Variants in SNAP91 observed in about 807,000 individuals in gnomAD.
The protein encoded by SNAP91 is synaptosome associated protein 91, also known as clathrin coat assembly protein AP180.
A neutral mutation model predicts 100.3 loss-of-function variants in SNAP91; 27 were observed. That is an observed-to-expected ratio of 0.27 (90% confidence interval 0.20 to 0.37). The LOEUF (loss-of-function observed/expected upper bound fraction) is 0.37. Ranked by LOEUF, SNAP91 falls within the 10% of genes least tolerant of loss-of-function variation. The pLI is 1.00. For synonymous variants in SNAP91, 404 were observed against 398.6 expected (o/e 1.01, Z -0.16); for missense variants, 986 against 1,123.7 (o/e 0.88, Z 1.75).
intron 22 of SNAP91, among the ~76,000 whole-genome samples, chr6:83,590,113 G>A (rs1419851387): frequency 1.3e-5 from 2 of 152,112 alleles, no homozygotes; most frequent in African/African-American, 4.8e-5. Flanking sequence ...CCCTTGTGGT[G>A]ACTGTGGAGG....
chr6:83,687,737 G>A lies in SNAP91; in HGVS notation c.130+20061C>T, dbSNP rs549459839. On this transcript the variant is annotated intron_variant, in intron 2 of 29. Transcript: ENST00000369694. ...GCAGAATCAGGCAGCCATCACAGTC[G>A]TCCTGGTAAGAGATGATGAAAACTG... Among the ~76,000 whole-genome samples, 35 of 152,284 alleles carry A rather than the reference G, an allele frequency of 2.3e-4. 1 individual carries two copies. The South Asian group carries it at 6.0e-3, about 26-fold the overall frequency.
intron 9 of SNAP91, 22 bp from the exon 10 acceptor site, chr6:83,617,061 A>G (rs1397998404): frequency 4.7e-6 from 7 of 1,485,326 alleles, no homozygotes; most frequent in Non-Finnish European, 6.4e-6. Flanking sequence ...AAGTAAAAAT[A>G]AATGTCTGCA....
intron 24 of SNAP91, 150 bp downstream of exon 24, chr6:83,580,300 A>T (rs1826157550): frequency 1.2e-5 from 9 of 753,680 alleles, no homozygotes; most frequent in Non-Finnish European, 1.8e-5. Flanking sequence ...TGGGTAAAGC[A>T]CTAAGTATTT....
At chr6:83,699,520 AG>A (rs1344895177) in intron 2 of SNAP91, among the ~76,000 whole-genome samples, 1 of 152,196 alleles carries the variant, frequency 6.6e-6, no homozygotes, top group Non-Finnish European at 1.5e-5. Context: ...AAAATACAAA[AG>A]GTATATTTAG....
At chr6:83,595,735 C>T (rs2094401618) in intron 16 of SNAP91, among the ~76,000 whole-genome samples, 1 of 152,102 alleles carries the variant, frequency 6.6e-6, no homozygotes, top group Non-Finnish European at 1.5e-5. Flanking sequence ...GTCATATATA[C>T]TTGGGAAGGG....
At chr6:83,573,360 A>G (rs1811969009) in intron 26 of SNAP91, among the ~76,000 whole-genome samples, 1 of 152,210 alleles carries the variant, frequency 6.6e-6, no homozygotes, top group Admixed American at 6.5e-5. Context: ...CAATATCGTG[A>G]AAATGGTCAT....
chr6:83,570,051 G>C (rs980319594), intron 26 of SNAP91, among the ~76,000 whole-genome samples: 1 of 152,094 alleles, frequency 6.6e-6, no homozygotes. Flanking sequence ...TTTGGAACTG[G>C]GTAACAGGCA....
chr6:83,600,588 T>C lies in SNAP91; in HGVS notation c.1324+683A>G, dbSNP rs16871624. Among the ~76,000 whole-genome samples the C allele has an allele frequency of 6.1e-3, 928 of 152,254 alleles. 4 individuals are homozygous for C. The highest frequency in any genetic ancestry group is 0.01 in the Middle Eastern group (3 of 294). ...ACATGGCTCATCAGGTCCAGGCATATTATAGTGGGTCAGAATTTACATTTC... is the reference window on the plus strand; with the variant it reads ...ACATGGCTCATCAGGTCCAGGCATACTATAGTGGGTCAGAATTTACATTTC... On this transcript the variant is annotated intron_variant, in intron 16 of 29. Coordinates refer to ENST00000369694, the MANE Select transcript of SNAP91 (RefSeq NM_001242792.2).
intron 29 of SNAP91, among the ~76,000 whole-genome samples, chr6:83,555,625 T>A (rs541225493): frequency 9.8e-5 from 15 of 152,312 alleles, no homozygotes; most frequent in African/African-American, 3.6e-4. Flanking sequence ...AGTCATTTCA[T>A]AAATTATATG....
At chr6:83,626,216 A>G (rs966222413) in intron 8 of SNAP91, among the ~76,000 whole-genome samples, 2 of 151,872 alleles carry the variant, frequency 1.3e-5, no homozygotes, top group East Asian at 1.9e-4. Flanking sequence ...CCACTGTTCT[A>G]TGTGTCTGTT....
At chr6:83,691,741 A>G (rs1056373106) in intron 2 of SNAP91, among the ~76,000 whole-genome samples, 63 of 152,168 alleles carry the variant, frequency 4.1e-4, no homozygotes, top group African/African-American at 1.5e-3. Context: ...TCAATGGACA[A>G]CCACCATTAT....
chr6:83,603,592 T>G (rs1400983015), intron 14 of SNAP91, among the ~76,000 whole-genome samples: 1 of 148,396 alleles, frequency 6.7e-6, no homozygotes, highest in Non-Finnish European at 1.5e-5. Context: ...AATTTGAAAA[T>G]AAAATAAAAG....
At chr6:83,708,201 C>T in intron 1 of SNAP91, 1 of 420,150 alleles carries the variant, frequency 2.4e-6, no homozygotes, top group Middle Eastern at 6.1e-4. Flanking sequence ...GTGACACCGT[C>T]CCCATTCTCC....
At chr6:83,581,787 A>G (rs1647962043) in intron 23 of SNAP91, among the ~76,000 whole-genome samples, 2 of 152,234 alleles carry the variant, frequency 1.3e-5, no homozygotes, top group Admixed American at 1.3e-4. Flanking sequence ...AAGGCAGGCA[A>G]AGAATACTAT....
intron 26 of SNAP91, among the ~76,000 whole-genome samples, chr6:83,568,638 T>C (rs1032173990): frequency 2.6e-5 from 4 of 152,192 alleles, no homozygotes; most frequent in Non-Finnish European, 5.9e-5. Flanking sequence ...CTAAGGTTTT[T>C]AGATCTAACT....
chr6:83,664,718 A>C (rs2098643324), intron 3 of SNAP91, among the ~76,000 whole-genome samples: 1 of 152,162 alleles, frequency 6.6e-6, no homozygotes, highest in African/African-American at 2.4e-5. Context: ...AAATTACATA[A>C]ACAGCTGATA....
At chr6:83,620,887 AT>A (rs1005121557) in intron 9 of SNAP91, among the ~76,000 whole-genome samples, 1 of 149,522 alleles carries the variant, frequency 6.7e-6, no homozygotes, top group East Asian at 2.0e-4. Context: ...AATTTTTTGT[AT>A]TTTTTTTTAG....
chr6:83,628,955 G>A (rs1449549799), intron 8 of SNAP91, among the ~76,000 whole-genome samples: 1 of 152,000 alleles, frequency 6.6e-6, no homozygotes, highest in Admixed American at 6.6e-5. Flanking sequence ...ATGTCTAGAA[G>A]GGTTTTTCCA....
At chr6:83,614,459 T>C (rs777390413) in intron 11 of SNAP91, among the ~76,000 whole-genome samples, 2 of 152,190 alleles carry the variant, frequency 1.3e-5, no homozygotes, top group Admixed American at 1.3e-4. Flanking sequence ...AATAGTTTTA[T>C]ACTGTGACCA....
Sources: allele counts gnomAD v4.1 joint callset (sites outside exome capture counted in the v4.1 genomes callset), GRCh38; gene constraint gnomAD v4.1.1; transcripts MANE v1.5; gene names NCBI Gene and HGNC (gene_info 2026-07-23, HGNC 2026-07-21).